The following ARHGAP42 variants were observed in gnomAD, a reference collection of about 807,000 sequenced individuals.
The protein encoded by ARHGAP42 is rho GTPase-activating protein 42.
In ARHGAP42, 63 loss-of-function variants were observed where a neutral mutation model predicts 125.0. The ratio of observed to expected loss-of-function variants is 0.50; its 90% CI spans 0.41 to 0.62. ARHGAP42 has a LOEUF of 0.62. Among genes scored for constraint, ARHGAP42 ranks in the 20% least tolerant of loss-of-function variants. The probability of loss-of-function intolerance (pLI) is 0.00; values close to 1 mark genes in which losing one functional copy is unlikely to be tolerated. For synonymous variants in ARHGAP42, 339 were observed against 351.0 expected, an observed-to-expected ratio of 0.97 and a Z score of 0.38; for missense variants, 766 against 1,024.2, an observed-to-expected ratio of 0.75 and a Z score of 3.44.
chr11:100,832,166 C>T, intron 3 of ARHGAP42, among the ~76,000 whole-genome samples: 1 of 152,324 alleles, frequency 6.6e-6, no homozygotes, highest in East Asian at 1.9e-4. Context: ...CAGTTAGGCA[C>T]ATGACTTTAG....
chr11:100,903,912 GAA>G (rs1866646342), intron 4 of ARHGAP42, among the ~76,000 whole-genome samples: 1 of 151,606 alleles, frequency 6.6e-6, no homozygotes, highest in Non-Finnish European at 1.5e-5. Context: ...CAGCATGGGA[GAA>G]AGATGTAGGC....
At chr11:100,811,855 A>G (rs989506123) in intron 3 of ARHGAP42, among the ~76,000 whole-genome samples, 4 of 152,128 alleles carry the variant, frequency 2.6e-5, no homozygotes, top group Non-Finnish European at 4.4e-5. Flanking sequence ...AACAGTGTCA[A>G]TGATTAGCCC....
At chr11:100,915,672 A>T (rs534293534) in intron 5 of ARHGAP42, among the ~76,000 whole-genome samples, 1 of 152,184 alleles carries the variant, frequency 6.6e-6, no homozygotes, top group Non-Finnish European at 1.5e-5. Flanking sequence ...TTCTGGTTCC[A>T]TGTTTAAGTG....
chr11:100,875,099 CTCTCTCTCTG>C (rs55894649), intron 4 of ARHGAP42, among the ~76,000 whole-genome samples: 1,325 of 106,564 alleles, frequency 0.012, 6 homozygotes, highest in Middle Eastern at 0.034. Context: ...CTCTCTCTCT[CTCTCTCTCTG>C]TGTGTGTGTG....
intron 3 of ARHGAP42, among the ~76,000 whole-genome samples, chr11:100,828,134 G>A (rs1458445134): frequency 6.6e-6 from 1 of 151,202 alleles, no homozygotes; most frequent in Non-Finnish European, 1.5e-5. Flanking sequence ...TGCTTTGTTT[G>A]ACACTATCAG....
At chr11:100,818,789 G>A (rs775349258) in intron 3 of ARHGAP42, among the ~76,000 whole-genome samples, 4 of 151,712 alleles carry the variant, frequency 2.6e-5, no homozygotes, top group Non-Finnish European at 5.9e-5. Flanking sequence ...TGTTTGTTTT[G>A]TCTATGGGAA....
At position 100,992,032 on chromosome 11, in the gene ARHGAP42, T is replaced by G; in HGVS notation, c.*3231T>G. The G allele has an allele frequency of 2.6e-6, 1 of 381,690 alleles. No homozygotes were observed. The highest frequency in any genetic ancestry group is 4.7e-6 in the Non-Finnish European group (1 of 214,368). 23.6% of individuals were successfully genotyped at this position (381,690 alleles called of 1,614,324 possible). A position where few individuals can be genotyped will look rare whatever the true frequency, so the allele number is the denominator to read the frequency against. ...AAACAGATTTCTCACTATCATCCAG[T>G]GTACCCTGCTCACCTTCTCACTCCT... On this transcript the variant is annotated 3_prime_UTR_variant, in exon 24 of 24. Coordinates refer to ENST00000298815, the MANE Select transcript of ARHGAP42 (RefSeq NM_152432.4).
At chr11:100,903,501 C>G (rs1350886893) in intron 4 of ARHGAP42, among the ~76,000 whole-genome samples, 2 of 151,274 alleles carry the variant, frequency 1.3e-5, no homozygotes, top group Non-Finnish European at 2.9e-5. Context: ...TCCAAATATC[C>G]TGTCTGGTAT....
intron 3 of ARHGAP42, among the ~76,000 whole-genome samples, chr11:100,835,978 C>A (rs1056434216): frequency 6.6e-6 from 1 of 151,882 alleles, no homozygotes; most frequent in South Asian, 2.1e-4. Flanking sequence ...TGAAGCCAGC[C>A]GAACAAGGAA....
intron 7 of ARHGAP42, among the ~76,000 whole-genome samples, chr11:100,933,819 C>T (rs1330909718): frequency 1.3e-5 from 2 of 151,556 alleles, no homozygotes; most frequent in Admixed American, 6.6e-5. Flanking sequence ...GATGGAGCTT[C>T]GCTCGTCACC....
chr11:100,832,158 G>T (rs1191613674), intron 3 of ARHGAP42, among the ~76,000 whole-genome samples: 2 of 152,234 alleles, frequency 1.3e-5, no homozygotes, highest in Non-Finnish European at 2.9e-5. Flanking sequence ...TGGCATCCCA[G>T]TTAGGCACAT....
At chr11:100,980,550 T>TTTCTTTTTC in intron 22 of ARHGAP42, among the ~76,000 whole-genome samples, 1 of 82,490 alleles carries the variant, frequency 1.2e-5, no homozygotes, top group Non-Finnish European at 2.2e-5. Context: ...CATACTTCTT[T>TTTCTTTTTC]TTCTTCTTCT....
chr11:100,793,912 T>G (rs1731029669), intron 2 of ARHGAP42, among the ~76,000 whole-genome samples: 2 of 151,460 alleles, frequency 1.3e-5, no homozygotes, highest in Admixed American at 1.3e-4. Flanking sequence ...CTCTACAAAA[T>G]AAATAAGTAA....
At chr11:100,689,891 G>A (rs1019825568) in intron 1 of ARHGAP42, among the ~76,000 whole-genome samples, 8 of 152,026 alleles carry the variant, frequency 5.3e-5, no homozygotes, top group African/African-American at 9.7e-5. Flanking sequence ...GATTTTTTTC[G>A]TACCAAGCCA....
intron 1 of ARHGAP42, among the ~76,000 whole-genome samples, chr11:100,750,256 A>T (rs563664261): frequency 6.6e-6 from 1 of 152,238 alleles, no homozygotes; most frequent in East Asian, 1.9e-4. Flanking sequence ...AGCAATGGTG[A>T]GTGCATACCT....
rs1857938398 is a variant in ARHGAP42 at position 100,961,007 on chromosome 11, C to A, written c.1300+18C>A. 1 of 1,504,768 alleles carries A rather than the reference C, an allele frequency of 6.6e-7. No homozygotes were observed. The highest frequency in any genetic ancestry group is 8.9e-7 in the Non-Finnish European group (1 of 1,117,900). The allele number at this position is 1,504,768 out of a possible 1,614,324, so 93.2% of individuals were successfully genotyped here. A position where few individuals can be genotyped will look rare whatever the true frequency, so the allele number is the denominator to read the frequency against. ...CACATTTTGTAAGTTTTGGATGAAGCAACTTACATAATTTTTGTGTTCTTA... is the reference window on the plus strand; with the variant it reads ...CACATTTTGTAAGTTTTGGATGAAGAAACTTACATAATTTTTGTGTTCTTA... On this transcript the variant is annotated intron_variant, in intron 14 of 23. Coordinates refer to ENST00000298815, the MANE Select transcript of ARHGAP42 (RefSeq NM_152432.4).
rs375047175 is a variant in ARHGAP42, at chr11:100,898,692, CTT to C, written c.385-14758_385-14757del. ...TCTGTGAGGTCGGTGGTGATATCCT[CTT>C]TATCATTTTTTATTGCATCTATTTG... On this transcript the variant is annotated intron_variant, in intron 4 of 23. Transcript: ENST00000298815. Among the ~76,000 whole-genome samples, 1,126 of 152,218 alleles carry C rather than the reference CTT, an allele frequency of 7.4e-3. 3 individuals carry two copies. The highest frequency in any genetic ancestry group is 0.012 in the Non-Finnish European group (808 of 68,000).
chr11:100,962,906 C>T (rs1263778793), intron 16 of ARHGAP42, among the ~76,000 whole-genome samples: 1 of 152,014 alleles, frequency 6.6e-6, no homozygotes, highest in Non-Finnish European at 1.5e-5. Context: ...AGTTGTTAAT[C>T]TGATATTTAG....
chr11:100,759,679 C>T (rs763805802), intron 1 of ARHGAP42, among the ~76,000 whole-genome samples: 29 of 151,828 alleles, frequency 1.9e-4, no homozygotes, highest in Non-Finnish European at 4.1e-4. Context: ...ACATCTAATA[C>T]GAGAGGAGGG....
Sources: allele counts gnomAD v4.1 joint callset (sites outside exome capture counted in the v4.1 genomes callset), GRCh38; gene constraint gnomAD v4.1.1; transcripts MANE v1.5; gene names NCBI Gene and HGNC (gene_info 2026-07-23, HGNC 2026-07-21).